LHFPL3: variants seen among roughly 807,000 people sequenced by gnomAD.
The protein encoded by LHFPL3 is LHFPL tetraspan subfamily member 3.
A neutral mutation model predicts 19.3 loss-of-function variants in LHFPL3; 5 were observed. The ratio of observed to expected loss-of-function variants is 0.26; its 90% CI spans 0.14 to 0.54. The LOEUF (loss-of-function observed/expected upper bound fraction) is 0.54. Ranked by LOEUF, LHFPL3 falls within the 20% of genes least tolerant of loss-of-function variation. LHFPL3 has a pLI of 0.94. For synonymous variants in LHFPL3, 133 were observed against 126.2 expected, an observed-to-expected ratio of 1.05 and a Z score of -0.36; for missense variants, 249 against 307.4, an observed-to-expected ratio of 0.81 and a Z score of 1.42.
chr7:104,385,398 A>G (rs55681832), intron 1 of LHFPL3, among the ~76,000 whole-genome samples: 4 of 53,224 alleles, frequency 7.5e-5, no homozygotes, highest in Admixed American at 2.9e-4. Flanking sequence ...TCTGATTGAT[A>G]TCTGAGCAGA....
chr7:104,425,431 T>C (rs1461488624), intron 1 of LHFPL3, among the ~76,000 whole-genome samples: 2 of 152,146 alleles, frequency 1.3e-5, no homozygotes, highest in African/African-American at 2.4e-5. Context: ...TTGAATGAGA[T>C]AGTGTGTGTA....
intron 1 of LHFPL3, among the ~76,000 whole-genome samples, chr7:104,615,395 A>C (rs997171140): frequency 3.3e-5 from 5 of 152,234 alleles, no homozygotes; most frequent in Non-Finnish European, 7.3e-5. Context: ...TAGTTCTACA[A>C]ACATTTTAAA....
chr7:104,430,381 TAC>T (rs10557773), intron 1 of LHFPL3, among the ~76,000 whole-genome samples: 18,205 of 55,902 alleles, frequency 0.33, 4,957 homozygotes, highest in African/African-American at 0.72. Context: ...TATATATATA[TAC>T]ATATATATAT....
chr7:104,329,341 C>T, intron 1 of LHFPL3, 117 bp downstream of exon 1: 1 of 1,339,950 alleles, frequency 7.5e-7, no homozygotes, highest in Non-Finnish European at 1.0e-6. Flanking sequence ...CCGCCTAATC[C>T]GCTCAGGCGT....
chr7:104,550,693 G>A (rs550752932), intron 1 of LHFPL3, among the ~76,000 whole-genome samples: 2 of 152,222 alleles, frequency 1.3e-5, no homozygotes, highest in East Asian at 1.9e-4. Context: ...CCTGACCTCT[G>A]TTCTTCCCAA....
intron 2 of LHFPL3, among the ~76,000 whole-genome samples, chr7:104,750,085 G>T (rs1221500742): frequency 6.6e-6 from 1 of 152,214 alleles, no homozygotes; most frequent in Non-Finnish European, 1.5e-5. Context: ...AAGAGGAATT[G>T]AAGTAATCAT....
intron 1 of LHFPL3, among the ~76,000 whole-genome samples, chr7:104,525,300 T>C (rs769768172): frequency 6.6e-6 from 1 of 152,208 alleles, no homozygotes; most frequent in Non-Finnish European, 1.5e-5. Context: ...GCATCAGGCA[T>C]TGTAAATCTG....
At chr7:104,755,521 CTCTG>C (rs1308464154) in intron 2 of LHFPL3, among the ~76,000 whole-genome samples, 4 of 152,058 alleles carry the variant, frequency 2.6e-5, no homozygotes, top group South Asian at 2.1e-4. Context: ...CTCTCTGTCT[CTCTG>C]TCTGTCTGTC....
At chr7:104,701,696 C>T (rs753623370) in intron 1 of LHFPL3, among the ~76,000 whole-genome samples, 3 of 152,084 alleles carry the variant, frequency 2.0e-5, no homozygotes, top group Non-Finnish European at 2.9e-5. Context: ...CAATGGCCAA[C>T]TGTACTTTCT....
chr7:104,512,233 G>A (rs2115773880), intron 1 of LHFPL3, among the ~76,000 whole-genome samples: 1 of 152,030 alleles, frequency 6.6e-6, no homozygotes, highest in South Asian at 2.1e-4. Flanking sequence ...GGGATTACAG[G>A]CATGAGCCAC....
intron 1 of LHFPL3, among the ~76,000 whole-genome samples, chr7:104,419,095 AAAT>A (rs1240388974): frequency 1.3e-5 from 2 of 152,352 alleles, no homozygotes; most frequent in Non-Finnish European, 2.9e-5. Flanking sequence ...TAAATTGTCT[AAAT>A]AAAACCAGCA....
At chr7:104,535,903 C>T (rs1030748373) in intron 1 of LHFPL3, among the ~76,000 whole-genome samples, 3 of 152,332 alleles carry the variant, frequency 2.0e-5, no homozygotes, top group South Asian at 4.1e-4. Flanking sequence ...AGAGTGGGAG[C>T]GAGTGCCATC....
chr7:104,729,153 A>G (rs1455208363), intron 1 of LHFPL3, among the ~76,000 whole-genome samples: 1 of 152,210 alleles, frequency 6.6e-6, no homozygotes, highest in Non-Finnish European at 1.5e-5. Flanking sequence ...CAGCCTTACT[A>G]AAAATGAAAT....
intron 2 of LHFPL3, among the ~76,000 whole-genome samples, chr7:104,837,526 C>G (rs564385535): frequency 6.6e-6 from 1 of 152,198 alleles, no homozygotes; most frequent in Non-Finnish European, 1.5e-5. Context: ...AAAGTAAGTG[C>G]TAACATTATC....
At chr7:104,582,676 T>G (rs1790481531) in intron 1 of LHFPL3, among the ~76,000 whole-genome samples, 1 of 152,006 alleles carries the variant, frequency 6.6e-6, no homozygotes, top group Admixed American at 6.6e-5. Context: ...TGTCAAATGC[T>G]TTTTCTGCAT....
chr7:104,623,295 G>T (rs866742730), intron 1 of LHFPL3, among the ~76,000 whole-genome samples: 7 of 151,878 alleles, frequency 4.6e-5, no homozygotes, highest in South Asian at 2.1e-4. Context: ...AAAAAAAAAG[G>T]TAGCCATATT....
intron 1 of LHFPL3, among the ~76,000 whole-genome samples, chr7:104,687,259 C>G (rs1008690601): frequency 1.3e-4 from 20 of 152,162 alleles, no homozygotes; most frequent in African/African-American, 4.8e-4. Context: ...ATGCATAGGG[C>G]AAGGTATGGG....
intron 1 of LHFPL3, among the ~76,000 whole-genome samples, chr7:104,531,796 G>GACTC (rs1334672597): frequency 1.3e-5 from 2 of 152,098 alleles, no homozygotes; most frequent in Non-Finnish European, 2.9e-5. Context: ...ATGTTTTGGT[G>GACTC]GGTTATAACC....
chr7:104,400,883 G>T (rs1791300803), intron 1 of LHFPL3, among the ~76,000 whole-genome samples: 1 of 152,122 alleles, frequency 6.6e-6, no homozygotes. Context: ...CCCCATTGGG[G>T]TAGACAGCCA....
Sources: gnomAD v4.1 joint callset for allele counts (sites outside exome capture counted in the v4.1 genomes callset) on GRCh38, gnomAD v4.1.1 for gene constraint, MANE v1.5 for transcripts, NCBI Gene and HGNC (gene_info 2026-07-23, HGNC 2026-07-21) for gene names.